Variants in PCDHA1 observed in about 807,000 individuals in gnomAD.
The protein encoded by PCDHA1 is protocadherin alpha 1.
In PCDHA1, 42 loss-of-function variants were observed where a neutral mutation model predicts 61.3. The ratio of observed to expected loss-of-function variants is 0.69; its 90% CI spans 0.54 to 0.89. The LOEUF (loss-of-function observed/expected upper bound fraction) is 0.89, where lower values mean the gene tolerates loss of function less well. Among genes scored for constraint, PCDHA1 ranks in the 40% least tolerant of loss-of-function variants. The pLI is 0.00. For missense variants in PCDHA1, 1,256 were observed against 1,235.3 expected (o/e 1.02, Z -0.25); for synonymous variants, 610 against 553.8 (o/e 1.10, Z -1.43).
Position 140,856,093 on chromosome 5 carries a change from C to T in PCDHA1, c.2394+67409C>T, listed in dbSNP as rs533343357. 16 of 1,597,146 alleles carry T rather than the reference C, an allele frequency of 1.0e-5. 3 individuals are homozygous for T. Among genetic ancestry groups the T allele is most frequent in the South Asian group, 7.7e-5 (7 of 90,462 alleles). ...GCCTGGGGGTCCAGTGTCTGCTGCT[C>T]TCGCTTCTTCTCCTCGCAGCCTGGG... is the stretch of plus-strand genomic sequence containing the variant. On this transcript the variant is annotated intron_variant, in intron 1 of 3. Coordinates refer to ENST00000504120, the MANE Select transcript of PCDHA1 (RefSeq NM_018900.4).
intron 1 of PCDHA1, chr5:140,817,470 C>T (rs2150098250): frequency 6.6e-6 from 1 of 152,180 alleles, no homozygotes; most frequent in South Asian, 2.1e-4. Context: ...GATGTCACTA[C>T]CTCTGTTATC....
At chr5:141,009,488 C>T (rs2098409682) in intron 3 of PCDHA1, 139 bp from the exon 4 acceptor site, 4 of 1,469,622 alleles carry the variant, frequency 2.7e-6, no homozygotes, top group Non-Finnish European at 3.6e-6. Context: ...CTTGCCTTGC[C>T]CTCAGACTTG....
chr5:140,813,309 C>CA (rs1421789078), intron 1 of PCDHA1: 1 of 152,146 alleles, frequency 6.6e-6, no homozygotes, highest in Non-Finnish European at 1.5e-5. Context: ...CATCACTGTG[C>CA]AAACATGAGA....
chr5:140,938,810 C>G (rs1182517488), intron 1 of PCDHA1, among the ~76,000 whole-genome samples: 1 of 152,030 alleles, frequency 6.6e-6, no homozygotes, highest in Non-Finnish European at 1.5e-5. Context: ...ACCACAAACC[C>G]CTGTGACATG....
At chr5:140,835,977 C>G (rs2150249496) in intron 1 of PCDHA1, 1 of 1,613,352 alleles carries the variant, frequency 6.2e-7, no homozygotes, top group Admixed American at 1.7e-5. Context: ...GGAGCTGTTG[C>G]AGTTCCAGGT....
chr5:140,977,383 G>A (rs2096759264), intron 1 of PCDHA1, among the ~76,000 whole-genome samples: 1 of 152,134 alleles, frequency 6.6e-6, no homozygotes, highest in Non-Finnish European at 1.5e-5. Context: ...ATATTTCCAG[G>A]TTTATAAAAT....
chr5:140,883,083 G>A (rs267600402), intron 1 of PCDHA1: 8 of 1,614,082 alleles, frequency 5.0e-6, no homozygotes, highest in Non-Finnish European at 6.8e-6. Flanking sequence ...CCTGATGATG[G>A]TACAAATGGA....
intron 1 of PCDHA1, among the ~76,000 whole-genome samples, chr5:140,937,306 G>A (rs994842470): frequency 4.3e-4 from 66 of 152,048 alleles, no homozygotes; most frequent in African/African-American, 1.6e-3. Flanking sequence ...CAAAGTGCTG[G>A]GATTACAGGC....
chr5:140,860,413 C>T (rs2046383451), intron 1 of PCDHA1: 1 of 152,018 alleles, frequency 6.6e-6, no homozygotes, highest in African/African-American at 2.4e-5. Context: ...AATAGTAACA[C>T]CATTATCCTG....
At chr5:140,849,149 C>T (rs1423345877) in intron 1 of PCDHA1, 1 of 1,253,130 alleles carries the variant, frequency 8.0e-7, no homozygotes, top group African/African-American at 1.8e-5. Context: ...CCGATGGAGG[C>T]AAACCCGAGC....
At chr5:140,943,380 T>A (rs2093488086) in intron 1 of PCDHA1, among the ~76,000 whole-genome samples, 3 of 151,328 alleles carry the variant, frequency 2.0e-5, no homozygotes, top group Admixed American at 2.0e-4. Context: ...AATATACAGG[T>A]AAGAAATTAT....
In PCDHA1 at chr5:141,009,853, G is replaced by A. The variant is rs1482682626; in HGVS notation, c.2769G>A (p.Lys923=). The change falls in exon 4 of 4, where the codon AAG becomes AAA. Residue 923 remains lysine (K), a synonymous_variant. Transcript: ENST00000504120. ...FITFGKKEET[K]KKKKKKKGNK... ...CCTTCGGCAAAAAGGAGGAGACCAAGAAAAAGAAGAAAAAGAAGAAGGGTA... is the reference window on the plus strand; with the variant it reads ...CCTTCGGCAAAAAGGAGGAGACCAAAAAAAAGAAGAAAAAGAAGAAGGGTA... 12 of 1,613,590 alleles carry A rather than the reference G, an allele frequency of 7.4e-6. No individual in the cohort carries two copies. Among genetic ancestry groups the A allele is most frequent in the Non-Finnish European group, 1.0e-5 (12 of 1,179,924 alleles).
chr5:140,830,040 T>C lies in PCDHA1; in HGVS notation c.2394+41356T>C, dbSNP rs2150180125. The C allele has an allele frequency of 2.5e-6, 4 of 1,613,666 alleles. No homozygotes were observed. The African/African-American group carries it at 4.0e-5, about 16-fold the overall frequency. On this transcript the variant is annotated intron_variant, in intron 1 of 3. Coordinates refer to ENST00000504120, the MANE Select transcript of PCDHA1 (RefSeq NM_018900.4). Reference sequence around the variant, plus strand: ...TCTCCGCGCCACCGGCTGCTGGTGCTGGTGAAAGACCACGGTGAGCCGGCG... The same window carrying C: ...TCTCCGCGCCACCGGCTGCTGGTGCCGGTGAAAGACCACGGTGAGCCGGCG...
intron 1 of PCDHA1, chr5:140,866,074 T>C (rs1409925126): frequency 6.6e-6 from 1 of 152,180 alleles, no homozygotes; most frequent in Non-Finnish European, 1.5e-5. Context: ...CTGAGATAGG[T>C]ATTTTGGTTA....
chr5:140,887,857 G>A lies in PCDHA1; in HGVS notation c.2395-91092G>A, dbSNP rs139840938. Among the ~76,000 whole-genome samples the A allele has an allele frequency of 2.6e-3, 395 of 152,084 alleles. 2 individuals carry two copies. The highest frequency in any genetic ancestry group is 9.3e-3 in the African/African-American group (384 of 41,488). ...TATCTTTTATTGACATATTTTCCAAGTTCACTAATTTTTCCTTTTGTAGTA... is the reference window on the plus strand; with the variant it reads ...TATCTTTTATTGACATATTTTCCAAATTCACTAATTTTTCCTTTTGTAGTA... On this transcript the variant is annotated intron_variant, in intron 1 of 3. Coordinates refer to ENST00000504120, the MANE Select transcript of PCDHA1 (RefSeq NM_018900.4).
At chr5:140,836,646 C>A (rs1554136175) in intron 1 of PCDHA1, 7 of 1,613,258 alleles carry the variant, frequency 4.3e-6, no homozygotes, top group Admixed American at 3.3e-5. Flanking sequence ...CCAGCAGAGG[C>A]GGCAGAGGGT....
chr5:140,823,800 G>A (rs2150129246), intron 1 of PCDHA1: 3 of 1,613,816 alleles, frequency 1.9e-6, no homozygotes, highest in South Asian at 1.1e-5. Flanking sequence ...GCCAGGCGCC[G>A]AAGGCCTCAT....
chr5:140,979,094 T>G, intron 2 of PCDHA1, 87 bp downstream of exon 2: 3 of 1,551,990 alleles, frequency 1.9e-6, no homozygotes, highest in Non-Finnish European at 2.6e-6. Context: ...CAGAAGCAGC[T>G]GTCAAAACTA....
intron 1 of PCDHA1, chr5:140,796,311 C>T (rs782287156): frequency 2.2e-5 from 35 of 1,614,104 alleles, no homozygotes; most frequent in Admixed American, 8.3e-5. Context: ...CCGACGTGAA[C>T]GACAACGCGC....
Sources: allele counts gnomAD v4.1 joint callset (sites outside exome capture counted in the v4.1 genomes callset), GRCh38; gene constraint gnomAD v4.1.1; transcripts MANE v1.5; gene names NCBI Gene and HGNC (gene_info 2026-07-23, HGNC 2026-07-21).